Variants in SVIL observed in about 807,000 individuals in gnomAD.
SVIL encodes the protein archvillin.
SVIL carries 101 observed loss-of-function variants against 240.4 expected under a neutral mutation model. That is an observed-to-expected ratio of 0.42 (90% CI 0.36 to 0.50). SVIL has a LOEUF of 0.50. Among genes scored for constraint, SVIL ranks in the 20% least tolerant of loss-of-function variants. The probability of loss-of-function intolerance (pLI) is 0.01; values close to 1 mark genes in which losing one functional copy is unlikely to be tolerated. For missense variants in SVIL, 2,512 were observed against 2,818.7 expected, an observed-to-expected ratio of 0.89 and a Z score of 2.46; for synonymous variants, 999 against 1,100.0, an observed-to-expected ratio of 0.91 and a Z score of 1.82.
At chr10:29,729,030 T>C (rs1964449158) in intron 1 of SVIL, among the ~76,000 whole-genome samples, 1 of 151,916 alleles carries the variant, frequency 6.6e-6, no homozygotes, top group South Asian at 2.1e-4. Flanking sequence ...AGTCTGGGGG[T>C]GAGGGGCGGT....
chr10:29,491,666 A>T (rs1429892996), intron 21 of SVIL, among the ~76,000 whole-genome samples: 1 of 152,164 alleles, frequency 6.6e-6, no homozygotes, highest in Non-Finnish European at 1.5e-5. Flanking sequence ...AGGGAAGGTG[A>T]GCAGACCGAG....
chr10:29,575,346 G>A (rs143070871), intron 1 of SVIL: 2,166 of 216,452 alleles, frequency 0.01, 79 homozygotes, highest in Admixed American at 0.074. Context: ...AAATGATGAC[G>A]TAAAAATTAA....
chr10:29,692,372 T>C (rs1961575202), intron 1 of SVIL, among the ~76,000 whole-genome samples: 1 of 152,142 alleles, frequency 6.6e-6, no homozygotes, highest in Non-Finnish European at 1.5e-5. Context: ...AGGAATCCCA[T>C]TGCATTCAGC....
At position 29,566,312 on chromosome 10, in the gene SVIL, C is replaced by T. The variant is rs182713056; in HGVS notation, c.-143+2943G>A. Reference sequence around the variant, plus strand: ...TTAGAATCTGCAGCTTCCAGGTAAACATTTATTACTGAGTCCACACGGCTG... The same window carrying T: ...TTAGAATCTGCAGCTTCCAGGTAAATATTTATTACTGAGTCCACACGGCTG... On this transcript the variant is annotated intron_variant, in intron 2 of 37. Coordinates refer to ENST00000355867, the MANE Select transcript of SVIL (RefSeq NM_021738.3). Among the ~76,000 whole-genome samples, 72 of 152,298 alleles carry T rather than the reference C, an allele frequency of 4.7e-4. 1 individual carries two copies. In the Middle Eastern group the frequency reaches 0.017, roughly 36 times the overall value.
At chr10:29,539,360 T>C (rs1229243902) in intron 6 of SVIL, among the ~76,000 whole-genome samples, 3 of 152,142 alleles carry the variant, frequency 2.0e-5, no homozygotes, top group African/African-American at 7.2e-5. Flanking sequence ...AATTCAGAAG[T>C]CATGCGATTT....
rs748697912 is a variant in SVIL, at chr10:29,527,023, G to A, written c.2280C>T (p.Thr760=). 1.9e-6 allele frequency: 3 copies of A among 1,613,760 alleles called. No homozygotes were observed. The highest frequency in any genetic ancestry group is 2.2e-5 in the East Asian group (1 of 44,866). The change falls in exon 13 of 38, where the codon ACC becomes ACT. Residue 760 remains threonine (T), a synonymous_variant. Transcript: ENST00000355867. ...EPIPASCSGG[T]HPVMARLPSP... ...TAGGAAGTCTCGCCATTACAGGGTG[G>A]GTGCCCCCAGAACACGAAGCGGGGA...
chr10:29,711,893 AAG>A (rs1332078295), intron 1 of SVIL: 2 of 144,776 alleles, frequency 1.4e-5, no homozygotes, highest in African/African-American at 4.9e-5. Flanking sequence ...TTGGGAGGTC[AAG>A]GCAGGTGGAT....
chr10:29,514,165 A>G (rs1262496909), intron 16 of SVIL, among the ~76,000 whole-genome samples: 1 of 49,206 alleles, frequency 2.0e-5, no homozygotes, highest in East Asian at 2.3e-4. Context: ...TTATCCATAA[A>G]TATTAAATCC....
chr10:29,677,663 C>T (rs1332494944), intron 2 of SVIL, among the ~76,000 whole-genome samples: 1 of 152,144 alleles, frequency 6.6e-6, no homozygotes, highest in African/African-American at 2.4e-5. Flanking sequence ...TCAAGCGATC[C>T]TCCATCCTCA....
rs1368459787 is a variant in SVIL, at chr10:29,473,853, C to T, written c.5514G>A (p.Glu1838=). 1 of 1,613,868 alleles carries T rather than the reference C, an allele frequency of 6.2e-7. No homozygotes were observed. Among genetic ancestry groups the T allele is most frequent in the Non-Finnish European group, 8.5e-7 (1 of 1,179,992 alleles). ...TSALMTVELD[E]ERGAQVQVLQ... is the part of the protein sequence containing the mutation. ...CAGGACTCACCTGGGCCCCCCTTTC[C>T]TCGTCCAGCTCCACCGTCATCAGCG... The change falls in exon 30 of 38, where the codon GAG becomes GAA. Residue 1838 remains glutamate, a synonymous_variant. Coordinates refer to ENST00000355867, the MANE Select transcript of SVIL (RefSeq NM_021738.3).
At chr10:29,625,893 C>A (rs1290123724) in intron 1 of SVIL, among the ~76,000 whole-genome samples, 1 of 152,120 alleles carries the variant, frequency 6.6e-6, no homozygotes, top group Non-Finnish European at 1.5e-5. Flanking sequence ...TGGTTAGGAA[C>A]CATGCCGGGT....
At chr10:29,469,512 T>A (rs1945311057) in intron 32 of SVIL, among the ~76,000 whole-genome samples, 1 of 152,202 alleles carries the variant, frequency 6.6e-6, no homozygotes, top group Admixed American at 6.5e-5. Flanking sequence ...TGGGCGACAC[T>A]GGGCTTCTCT....
At chr10:29,503,604 G>A (rs1281632333) in intron 17 of SVIL, among the ~76,000 whole-genome samples, 9 of 152,134 alleles carry the variant, frequency 5.9e-5, no homozygotes, top group African/African-American at 2.2e-4. Context: ...ATATTTAGCT[G>A]GGAAACATTG....
chr10:29,696,281 T>C (rs1039001226), intron 1 of SVIL, among the ~76,000 whole-genome samples: 1 of 151,978 alleles, frequency 6.6e-6, no homozygotes, highest in Non-Finnish European at 1.5e-5. Context: ...TGGAGTGCAG[T>C]GGCATGATCT....
chr10:29,621,660 G>T (rs1402343574), intron 1 of SVIL, among the ~76,000 whole-genome samples: 4 of 152,184 alleles, frequency 2.6e-5, no homozygotes, highest in Non-Finnish European at 4.4e-5. Context: ...AAACCACATG[G>T]GCTGTGGGCC....
chr10:29,561,584 A>ATT lies in SVIL; in HGVS notation c.-51+1615_-51+1616dup, dbSNP rs199711026. 2.0e-3 allele frequency among the ~76,000 whole-genome samples: 294 copies of ATT among 144,656 alleles called. 2 individuals are homozygous for ATT. Among genetic ancestry groups the ATT allele is most frequent in the African/African-American group, 5.4e-3 (212 of 39,362 alleles). 94.9% of individuals were successfully genotyped at this position (144,656 alleles called of 152,430 possible). On this transcript the variant is annotated intron_variant, in intron 3 of 37. Coordinates refer to ENST00000355867, the MANE Select transcript of SVIL (RefSeq NM_021738.3). ...AGCACTTTAGTTTGGCTCAGAGGAA[A>ATT]TTTTTTTTTTTTTTTGTCTTTCACA...
intron 1 of SVIL, among the ~76,000 whole-genome samples, chr10:29,621,280 T>C (rs1159358288): frequency 1.3e-5 from 2 of 152,262 alleles, no homozygotes; most frequent in African/African-American, 2.4e-5. Context: ...GAGCCTGCTC[T>C]GAGCTAGGAA....
chr10:29,588,626 G>T (rs1041579468), intron 1 of SVIL, among the ~76,000 whole-genome samples: 2 of 152,146 alleles, frequency 1.3e-5, no homozygotes, highest in Non-Finnish European at 2.9e-5. Flanking sequence ...CTCTGACAGA[G>T]CGTGAAAGGA....
rs144334740 is a variant in SVIL, at chr10:29,470,370, C to T, written c.5749G>A (p.Val1917Ile). 261 of 1,614,092 alleles carry T rather than the reference C, an allele frequency of 1.6e-4. 1 individual carries two copies. Among genetic ancestry groups the T allele is most frequent in the Non-Finnish European group, 2.1e-4 (248 of 1,180,052 alleles). ...CACAGGTAGATGAGGGCCTTGTTGA[C>T]GTTAAGCACCACCATGGAAGTTCTG... ...RSRTSMVVLN[V>I]NKALIYLWHG... is the part of the protein sequence containing the mutation. Residue 1917 changes from valine (V) to isoleucine (I), a missense_variant, in exon 32 of 38, where the codon GTC becomes ATC. Physicochemically the swap from Val to Ile is conservative, Grantham distance 29 (BLOSUM62 3). Around this residue, in one of 3 missense-constraint regions of SVIL, gnomAD observed 797 missense variants for 925.3 expected, o/e 0.86. Coordinates refer to ENST00000355867, the MANE Select transcript of SVIL (RefSeq NM_021738.3).
Sources: gnomAD v4.1 joint callset for allele counts (sites outside exome capture counted in the v4.1 genomes callset) on GRCh38, gnomAD v4.1.1 for gene constraint, gnomAD v4.1.1 regional missense constraint, MANE v1.5 for transcripts, NCBI Gene and HGNC (gene_info 2026-07-23, HGNC 2026-07-21) for gene names.